Variants in RAB33B observed in about 807,000 individuals in gnomAD.
RAB33B encodes RAB33B, member RAS oncogene family.
RAB33B carries 6 observed loss-of-function variants against 15.0 expected under a neutral mutation model. That is an observed-to-expected ratio of 0.40 (90% CI 0.22 to 0.79). The LOEUF (loss-of-function observed/expected upper bound fraction) is 0.79, where lower values mean the gene tolerates loss of function less well. Ranked by LOEUF, RAB33B falls within the 30% of genes least tolerant of loss-of-function variation. The probability of loss-of-function intolerance (pLI) is 0.37; values close to 1 mark genes in which losing one functional copy is unlikely to be tolerated. For synonymous variants in RAB33B, 117 were observed against 108.3 expected, an observed-to-expected ratio of 1.08 and a Z score of -0.50; for missense variants, 257 against 296.4, an observed-to-expected ratio of 0.87 and a Z score of 0.98.
Position 139,473,004 on chromosome 4 carries a change from G to T in RAB33B, c.568G>T (p.Ala190Ser), listed in dbSNP as rs749651332. The change falls in exon 2 of 2, where the codon GCT becomes TCT. Residue 190 changes from alanine to serine, a missense_variant. Coordinates refer to ENST00000305626, the MANE Select transcript of RAB33B (RefSeq NM_031296.3). ...CCCCAATGATAATGACCATGTGGAA[G>T]CTATATTTATGACCTTGGCTCATAA... ...KNPNDNDHVEAIFMTLAHKLK... is the reference protein window; with the variant it reads ...KNPNDNDHVESIFMTLAHKLK... 5.6e-6 allele frequency: 9 copies of T among 1,614,016 alleles called. No homozygotes were observed. Among genetic ancestry groups the T allele is most frequent in the Non-Finnish European group, 5.1e-6 (6 of 1,180,018 alleles).
At chr4:139,467,279 C>T (rs1257891258) in intron 1 of RAB33B, among the ~76,000 whole-genome samples, 1 of 143,388 alleles carries the variant, frequency 7.0e-6, no homozygotes, top group Non-Finnish European at 1.5e-5. Context: ...TTCCGCCGCG[C>T]ACCTCTTTCC....
chr4:139,438,631 G>GCCTCCA, the RAB33B span, among the ~76,000 whole-genome samples: 1 of 151,640 alleles, frequency 6.6e-6, no homozygotes, highest in Non-Finnish European at 1.5e-5. Flanking sequence ...TCAGTAATTT[G>GCCTCCA]CCTCCACTTG....
At position 139,473,047 on chromosome 4, in the gene RAB33B, C is replaced by T. The variant is rs1579183832; in HGVS notation, c.611C>T (p.Pro204Leu). The T allele has an allele frequency of 6.2e-7, 1 of 1,614,146 alleles. No individual in the cohort carries two copies. The highest frequency in any genetic ancestry group is 2.2e-5 in the East Asian group (1 of 44,882). The part of the protein sequence containing the change: ...TLAHKLKSHK[P>L]LMLSQPPDNG... ...GCTCATAAGCTTAAGAGCCACAAAC[C>T]ATTAATGCTTAGTCAGCCCCCTGAT... The change falls in exon 2 of 2, where the codon CCA becomes CTA. Residue 204 changes from proline to leucine, a missense_variant. Pro to Leu is a moderately conservative substitution (Grantham distance 98). Coordinates refer to ENST00000305626, the MANE Select transcript of RAB33B (RefSeq NM_031296.3).
upstream of RAB33B, chr4:139,452,510 T>C (rs1279368966): frequency 6.6e-6 from 1 of 152,216 alleles, no homozygotes; most frequent in Non-Finnish European, 1.5e-5. Flanking sequence ...TTGAATGGGA[T>C]AGGTAGAGCA....
chr4:139,469,527 A>G (rs4359849), intron 1 of RAB33B, among the ~76,000 whole-genome samples: 69,731 of 152,074 alleles, frequency 0.46, 18,439 homozygotes, highest in Admixed American at 0.64. Context: ...TGGTGAAGTC[A>G]TGTTTTCCTG....
intron 1 of RAB33B, among the ~76,000 whole-genome samples, chr4:139,465,687 C>G (rs186486510): frequency 5.4e-4 from 82 of 150,934 alleles, no homozygotes; most frequent in African/African-American, 1.6e-3. Context: ...CATCTAAAAA[C>G]AAAGGGTTTT....
chr4:139,439,190 T>C, the RAB33B span, among the ~76,000 whole-genome samples: 2 of 152,116 alleles, frequency 1.3e-5, no homozygotes, highest in Admixed American at 1.3e-4. Context: ...TTAGTAGAGA[T>C]GGGGTTTCAC....
chr4:139,476,065 T>C lies in RAB33B; in HGVS notation c.*2939T>C, dbSNP rs1336241645. 6.6e-6 allele frequency: 1 copy of C among 152,204 alleles called. No individual in the cohort carries two copies. The highest frequency in any genetic ancestry group is 1.9e-4 in the East Asian group (1 of 5,200). 9.4% of individuals were successfully genotyped at this position (152,204 alleles called of 1,614,324 possible). A position where few individuals can be genotyped will look rare whatever the true frequency, so the allele number is the denominator to read the frequency against. ...AACCCATTGGACAATTATTTTCTTGTATACATTTGAGGTCAAAGAACACTT... is the reference window on the plus strand; with the variant it reads ...AACCCATTGGACAATTATTTTCTTGCATACATTTGAGGTCAAAGAACACTT... On this transcript the variant is annotated 3_prime_UTR_variant, in exon 2 of 2. Coordinates refer to ENST00000305626, the MANE Select transcript of RAB33B (RefSeq NM_031296.3).
chr4:139,464,548 C>T (rs1750242962), intron 1 of RAB33B, among the ~76,000 whole-genome samples: 1 of 152,162 alleles, frequency 6.6e-6, no homozygotes, highest in Non-Finnish European at 1.5e-5. Context: ...TTCCCCTAAC[C>T]CCATGACAGG....
intron 1 of RAB33B, among the ~76,000 whole-genome samples, chr4:139,462,514 A>C (rs1346744922): frequency 2.6e-5 from 4 of 152,212 alleles, no homozygotes; most frequent in Non-Finnish European, 4.4e-5. Context: ...TCTTTCAAAG[A>C]ACACATTTTT....
chr4:139,452,887 C>G (rs1193531499), upstream of RAB33B: 7 of 152,228 alleles, frequency 4.6e-5, no homozygotes, highest in Admixed American at 2.6e-4. Context: ...CTCCGACAGT[C>G]CTTGACTTTC....
upstream of RAB33B, chr4:139,448,655 T>C (rs879349912): frequency 3.3e-5 from 5 of 152,232 alleles, no homozygotes; most frequent in African/African-American, 4.8e-5. Flanking sequence ...TGATCTCAAG[T>C]GATCCGCCCA....
At position 139,473,342 on chromosome 4, in the gene RAB33B, G is replaced by C; in HGVS notation, c.*216G>C. On this transcript the variant is annotated 3_prime_UTR_variant, in exon 2 of 2. Coordinates refer to ENST00000305626, the MANE Select transcript of RAB33B (RefSeq NM_031296.3). ...CAGGTGAGATTGAAAATGAAGCAAA[G>C]ATAGGATGAATCTGAACATCTCTCC... 1 of 534,570 alleles carries C rather than the reference G, an allele frequency of 1.9e-6. No individual in the cohort carries two copies. The highest frequency in any genetic ancestry group is 3.3e-6 in the Non-Finnish European group (1 of 304,626). The allele number at this position is 534,570 out of a possible 1,614,324, so 33.1% of individuals were successfully genotyped here. A position where few individuals can be genotyped will look rare whatever the true frequency, so the allele number is the denominator to read the frequency against.
At chr4:139,439,243 G>A in the RAB33B span, among the ~76,000 whole-genome samples, 983 of 152,176 alleles carry the variant, frequency 6.5e-3, 8 homozygotes, top group Non-Finnish European at 9.2e-3. Context: ...CTCGTGATCC[G>A]CCCGCCTCGG....
Position 139,473,170 on chromosome 4 carries a change from C to G in RAB33B, c.*44C>G. On this transcript the variant is annotated 3_prime_UTR_variant, in exon 2 of 2. Transcript: ENST00000305626. The stretch of plus-strand genomic sequence containing the variant: ...TTATCTAATTTTGACTAAAGAAATA[C>G]TTTTGAAGTATGACAGTATTAAGTC... 1 of 1,469,618 alleles carries G rather than the reference C, an allele frequency of 6.8e-7. No homozygotes were observed. Among genetic ancestry groups the G allele is most frequent in the Admixed American group, 2.2e-5 (1 of 45,508 alleles). The allele number at this position is 1,469,618 out of a possible 1,614,324, so 91.0% of individuals were successfully genotyped here. A position where few individuals can be genotyped will look rare whatever the true frequency, so the allele number is the denominator to read the frequency against.
At chr4:139,440,436 G>C in the RAB33B span, among the ~76,000 whole-genome samples, 6 of 152,262 alleles carry the variant, frequency 3.9e-5, no homozygotes, top group East Asian at 7.7e-4. Flanking sequence ...CTGTGATCAC[G>C]AGTGGCAGTT....
chr4:139,470,853 G>A (rs978311519), intron 1 of RAB33B, among the ~76,000 whole-genome samples: 2 of 151,888 alleles, frequency 1.3e-5, no homozygotes, highest in African/African-American at 4.8e-5. Flanking sequence ...TGGAATGAGG[G>A]CCTCACAACT....
At chr4:139,447,754 C>T in the RAB33B span, among the ~76,000 whole-genome samples, 2 of 149,048 alleles carry the variant, frequency 1.3e-5, no homozygotes, top group Non-Finnish European at 3.0e-5. Flanking sequence ...GCAAGCTCCG[C>T]CTCCCGGGTT....
At chr4:139,462,868 A>G (rs921536504) in intron 1 of RAB33B, among the ~76,000 whole-genome samples, 3 of 152,208 alleles carry the variant, frequency 2.0e-5, no homozygotes, top group Non-Finnish European at 4.4e-5. Flanking sequence ...TTTGAAAGGA[A>G]TACTGCCTTT....
Sources: gnomAD v4.1 joint callset for allele counts (sites outside exome capture counted in the v4.1 genomes callset) on GRCh38, gnomAD v4.1.1 for gene constraint, MANE v1.5 for transcripts, NCBI Gene and HGNC (gene_info 2026-07-23, HGNC 2026-07-21) for gene names.